Variants in FRYL observed in about 807,000 individuals in gnomAD.
The protein encoded by FRYL is FRY like transcription coactivator.
A neutral mutation model predicts 351.2 loss-of-function variants in FRYL; 150 were observed. That is an observed-to-expected ratio of 0.43 (90% confidence interval 0.37 to 0.49). The LOEUF is 0.49. Ranked by LOEUF, FRYL falls within the 20% of genes least tolerant of loss-of-function variation. The pLI, the probability that FRYL is intolerant of heterozygous loss-of-function variation, is 0.00. For synonymous variants in FRYL, 1,153 were observed against 1,257.1 expected (o/e 0.92, Z 1.75); for missense variants, 3,036 against 3,619.3 (o/e 0.84, Z 4.13).
At position 48,606,421 on chromosome 4, in the gene FRYL, T is replaced by C. The variant is rs1373814975; in HGVS notation, c.741+17A>G. The C allele has an allele frequency of 6.4e-6, 10 of 1,563,886 alleles. No homozygotes were observed. The Admixed American group carries it at 1.7e-4, about 27-fold the overall frequency. ...GTTAGGCTTGCTCTATTTACTGTCA[T>C]TTAGAAGGTATATCACCTGCATAAA... On this transcript the variant is annotated intron_variant, in intron 10 of 63. Transcript: ENST00000358350.
rs530307378 is a variant in FRYL at position 48,521,225 on chromosome 4, G to GA, written c.7522-11dup. ...CAGAATCACTGTTTAACTAAAAAGA[G>GA]AAAGAGTAAAATAAGGAATTCATTT... On this transcript the variant is annotated splice_polypyrimidine_tract_variant and intron_variant, in intron 54 of 63. Transcript: ENST00000358350. 4.6e-4 allele frequency: 737 copies of GA among 1,585,712 alleles called. 4 individuals carry two copies. The African/African-American group carries it at 8.7e-3, about 19-fold the overall frequency.
intron 3 of FRYL, chr4:48,636,831 A>ACAAAGAACAAT (rs1754324841): frequency 1.3e-5 from 2 of 152,110 alleles, no homozygotes; most frequent in African/African-American, 4.8e-5. Flanking sequence ...GTAACAATGA[A>ACAAAGAACAAT]CAGATCTACT....
At chr4:48,758,840 A>C (rs1774101073) in intron 1 of FRYL, among the ~76,000 whole-genome samples, 1 of 152,262 alleles carries the variant, frequency 6.6e-6, no homozygotes, top group African/African-American at 2.4e-5. Flanking sequence ...CCAAATGTCC[A>C]TCAATGATAG....
intron 3 of FRYL, among the ~76,000 whole-genome samples, chr4:48,660,090 G>A (rs948680400): frequency 6.6e-6 from 1 of 151,710 alleles, no homozygotes; most frequent in African/African-American, 2.4e-5. Flanking sequence ...AACAAAGAAA[G>A]TAGAGAAGGT....
chr4:48,682,700 A>G (rs1027852623), intron 3 of FRYL, among the ~76,000 whole-genome samples: 1 of 152,234 alleles, frequency 6.6e-6, no homozygotes, highest in Non-Finnish European at 1.5e-5. Flanking sequence ...AGATAATGCA[A>G]ATCAAAACCA....
Position 48,620,700 on chromosome 4 carries a change from G to C in FRYL, c.253C>G (p.Gln85Glu). ...TAAGATTCATCTTCCGTTCCATTTT[G>C]GCGTCTGTACCAGTCAAACAAGGTG... ...LRTLFDWYRR[Q>E]NGTEDESYEY... Residue 85 changes from glutamine (Q) to glutamate (E), a missense_variant, in exon 6 of 64, where the codon CAA becomes GAA. By Grantham distance (29) the Gln-to-Glu change is conservative. Coordinates refer to ENST00000358350, the MANE Select transcript of FRYL (RefSeq NM_015030.2). The C allele has an allele frequency of 6.2e-7, 1 of 1,613,868 alleles. No homozygotes were observed. Among genetic ancestry groups the C allele is most frequent in the Non-Finnish European group, 8.5e-7 (1 of 1,179,822 alleles).
At chr4:48,671,569 A>AG (rs972933065) in intron 3 of FRYL, among the ~76,000 whole-genome samples, 52 of 152,272 alleles carry the variant, frequency 3.4e-4, no homozygotes, top group African/African-American at 1.2e-3. Flanking sequence ...CGGGAGGCTG[A>AG]GGCAGGAGAA....
intron 2 of FRYL, among the ~76,000 whole-genome samples, chr4:48,698,956 C>T (rs1766462608): frequency 6.6e-6 from 1 of 152,124 alleles, no homozygotes; most frequent in Non-Finnish European, 1.5e-5. Flanking sequence ...CCCATAACAA[C>T]AGCAGCAACG....
At chr4:48,775,720 A>C (rs566029410) in intron 1 of FRYL, among the ~76,000 whole-genome samples, 2 of 152,242 alleles carry the variant, frequency 1.3e-5, no homozygotes, top group Non-Finnish European at 1.5e-5. Flanking sequence ...TGAGAAGAAT[A>C]ATCAAGAAAT....
At chr4:48,695,597 G>T (rs1292924727) in intron 2 of FRYL, among the ~76,000 whole-genome samples, 1 of 151,874 alleles carries the variant, frequency 6.6e-6, no homozygotes, top group Admixed American at 6.6e-5. Context: ...ATAATAAACT[G>T]CAAAATTATG....
At chr4:48,642,755 T>C (rs1172678642) in intron 3 of FRYL, among the ~76,000 whole-genome samples, 1 of 152,140 alleles carries the variant, frequency 6.6e-6, no homozygotes, top group African/African-American at 2.4e-5. Context: ...CTTGAGGTTA[T>C]TGTTTTCTTG....
intron 3 of FRYL, among the ~76,000 whole-genome samples, chr4:48,676,905 T>C (rs1381381849): frequency 6.6e-6 from 1 of 152,246 alleles, no homozygotes; most frequent in African/African-American, 2.4e-5. Context: ...TAATATTTAA[T>C]TGAATTACAT....
chr4:48,646,013 T>C (rs932356365), intron 3 of FRYL: 1 of 152,142 alleles, frequency 6.6e-6, no homozygotes, highest in African/African-American at 2.4e-5. Context: ...TTCCATATAG[T>C]CTCCCTATAA....
chr4:48,648,091 G>A (rs1454145675), intron 3 of FRYL, among the ~76,000 whole-genome samples: 1 of 152,094 alleles, frequency 6.6e-6, no homozygotes, highest in African/African-American at 2.4e-5. Context: ...ACCTACACAT[G>A]TTGTAGGTAT....
At chr4:48,616,965 C>G (rs1440894760) in intron 7 of FRYL, among the ~76,000 whole-genome samples, 1 of 152,134 alleles carries the variant, frequency 6.6e-6, no homozygotes, top group African/African-American at 2.4e-5. Context: ...TTTCAGCAAG[C>G]TCTATTGATT....
chr4:48,553,221 T>A lies in FRYL; in HGVS notation c.4429A>T (p.Thr1477Ser). The stretch of plus-strand genomic sequence containing the variant: ...GTTTTAACAAATTTCTCACCTGAGG[T>A]GACAGAAGGGATTTTATAGCTGGAA... ...ITSSYKIPSV[T>S]SGTTSSSNTM... Residue 1477 changes from threonine (T) to serine (S), a missense_variant, in exon 36 of 64, where the codon ACC becomes TCC. Physicochemically the swap from Thr to Ser is moderately conservative, Grantham distance 58 (BLOSUM62 1). Around this residue, in one of 7 missense-constraint regions of FRYL, gnomAD observed 1,987 missense variants for 2,311.7 expected, o/e 0.86. Coordinates refer to ENST00000358350, the MANE Select transcript of FRYL (RefSeq NM_015030.2). The A allele has an allele frequency of 1.2e-6, 2 of 1,610,344 alleles. No individual in the cohort carries two copies. Among genetic ancestry groups the A allele is most frequent in the Non-Finnish European group, 8.5e-7 (1 of 1,178,646 alleles).
intron 4 of FRYL, among the ~76,000 whole-genome samples, chr4:48,628,470 G>A (rs1380584701): frequency 2.0e-5 from 3 of 148,512 alleles, no homozygotes; most frequent in Non-Finnish European, 4.5e-5. Context: ...GTGTTTAAAG[G>A]TGATTTCATA....
At chr4:48,545,251 T>C (rs1211457577) in intron 42 of FRYL, among the ~76,000 whole-genome samples, 1 of 152,188 alleles carries the variant, frequency 6.6e-6, no homozygotes, top group East Asian at 1.9e-4. Context: ...GCTGGTGAAA[T>C]GCAATGAGAA....
chr4:48,547,112 CA>C (rs953939081), intron 41 of FRYL, among the ~76,000 whole-genome samples: 3 of 151,858 alleles, frequency 2.0e-5, no homozygotes, highest in Admixed American at 1.3e-4. Flanking sequence ...AAGTAAAAAA[CA>C]AAAATTAACA....
Sources: gnomAD v4.1 joint callset for allele counts (sites outside exome capture counted in the v4.1 genomes callset) on GRCh38, gnomAD v4.1.1 for gene constraint, gnomAD v4.1.1 regional missense constraint, MANE v1.5 for transcripts, NCBI Gene and HGNC (gene_info 2026-07-23, HGNC 2026-07-21) for gene names.